The following RIMS2 variants were observed in gnomAD, a reference collection of about 807,000 sequenced individuals.
The protein encoded by RIMS2 is regulating synaptic membrane exocytosis 2.
In RIMS2, 59 loss-of-function variants were observed where a neutral mutation model predicts 174.4. The ratio of observed to expected loss-of-function variants is 0.34; its 90% CI spans 0.27 to 0.42. The LOEUF (loss-of-function observed/expected upper bound fraction) is 0.42, where lower values mean the gene tolerates loss of function less well. RIMS2 is among the 10% of genes least tolerant of loss of function. RIMS2 has a pLI of 1.00. For synonymous variants in RIMS2, 606 were observed against 572.5 expected, an observed-to-expected ratio of 1.06 and a Z score of -0.84; for missense variants, 1,620 against 1,666.3, an observed-to-expected ratio of 0.97 and a Z score of 0.48.
chr8:103,945,442 GC>G (rs1408935971), intron 14 of RIMS2, among the ~76,000 whole-genome samples: 1 of 151,968 alleles, frequency 6.6e-6, no homozygotes, highest in African/African-American at 2.4e-5. Flanking sequence ...ATTCTATAAG[GC>G]CAGTATTTTC....
At chr8:103,578,385 C>G (rs1213944554) in intron 1 of RIMS2, among the ~76,000 whole-genome samples, 1 of 151,930 alleles carries the variant, frequency 6.6e-6, no homozygotes, top group Admixed American at 6.6e-5. Flanking sequence ...CAAAAATTAG[C>G]TGAGAGGAAA....
chr8:103,633,766 G>T (rs566469050), intron 1 of RIMS2, among the ~76,000 whole-genome samples: 1 of 152,268 alleles, frequency 6.6e-6, no homozygotes, highest in Admixed American at 6.5e-5. Flanking sequence ...TTGGAAGGGT[G>T]TATGTGTCCA....
intron 3 of RIMS2, among the ~76,000 whole-genome samples, chr8:103,831,028 C>T (rs1469648885): frequency 1.3e-5 from 2 of 152,084 alleles, no homozygotes; most frequent in Non-Finnish European, 2.9e-5. Context: ...AGTCTGGTCT[C>T]GAACTCCTGA....
At chr8:104,115,320 G>A (rs28480468) in intron 19 of RIMS2, among the ~76,000 whole-genome samples, 7,887 of 151,992 alleles carry the variant, frequency 0.052, 290 homozygotes, top group Non-Finnish European at 0.073. Context: ...AATATTTATG[G>A]TTCTAGTATT....
chr8:104,046,650 A>G (rs751537196), intron 19 of RIMS2, among the ~76,000 whole-genome samples: 23 of 152,038 alleles, frequency 1.5e-4, no homozygotes, highest in Non-Finnish European at 2.9e-4. Flanking sequence ...ATTATATTTC[A>G]CATTCTATCC....
chr8:103,682,651 T>C (rs1420794015), intron 1 of RIMS2, among the ~76,000 whole-genome samples: 1 of 152,160 alleles, frequency 6.6e-6, no homozygotes, highest in Non-Finnish European at 1.5e-5. Flanking sequence ...AGTCTGCCCA[T>C]ATACCACCAC....
At chr8:104,168,051 T>C (rs529818965) in intron 19 of RIMS2, among the ~76,000 whole-genome samples, 22 of 152,178 alleles carry the variant, frequency 1.4e-4, no homozygotes, top group South Asian at 1.2e-3. Context: ...CAGTAACATG[T>C]TGTTTTGGTA....
At chr8:103,578,584 C>A (rs914349152) in intron 1 of RIMS2, among the ~76,000 whole-genome samples, 11 of 151,960 alleles carry the variant, frequency 7.2e-5, no homozygotes, top group Non-Finnish European at 8.8e-5. Context: ...AAAAACCCAA[C>A]AACATATAAA....
intron 19 of RIMS2, among the ~76,000 whole-genome samples, chr8:104,062,340 T>G (rs1448640913): frequency 2.0e-5 from 3 of 151,998 alleles, no homozygotes; most frequent in South Asian, 2.1e-4. Context: ...GGAGGCAGAG[T>G]TTGCGGTGAG....
chr8:104,154,890 A>G (rs977785362), intron 19 of RIMS2, among the ~76,000 whole-genome samples: 4 of 152,078 alleles, frequency 2.6e-5, no homozygotes, highest in South Asian at 2.1e-4. Flanking sequence ...GTGATCCTCA[A>G]TGAAAGGGCC....
chr8:104,057,939 G>A (rs891303920), intron 19 of RIMS2, among the ~76,000 whole-genome samples: 10 of 151,896 alleles, frequency 6.6e-5, no homozygotes, highest in Admixed American at 6.6e-4. Context: ...TGGTGTATAT[G>A]TGCCACATTT....
chr8:103,634,068 T>A (rs1024493287), intron 1 of RIMS2, among the ~76,000 whole-genome samples: 1 of 152,146 alleles, frequency 6.6e-6, no homozygotes, highest in African/African-American at 2.4e-5. Context: ...AGCTTTGGGG[T>A]TGATTTGTTC....
chr8:104,088,999 T>C (rs1341245803), intron 19 of RIMS2, among the ~76,000 whole-genome samples: 1 of 151,964 alleles, frequency 6.6e-6, no homozygotes, highest in Non-Finnish European at 1.5e-5. Context: ...TTCCTGTAAA[T>C]TTTTCTAGTT....
chr8:104,127,600 C>A (rs951296028), intron 19 of RIMS2, among the ~76,000 whole-genome samples: 1 of 152,170 alleles, frequency 6.6e-6, no homozygotes, highest in Non-Finnish European at 1.5e-5. Flanking sequence ...TACTTAGCCT[C>A]ACTGTGCCCA....
chr8:103,708,117 A>G (rs2097256465), intron 2 of RIMS2, among the ~76,000 whole-genome samples: 1 of 152,206 alleles, frequency 6.6e-6, no homozygotes, highest in Admixed American at 6.5e-5. Context: ...CTTGGAGTAA[A>G]CAGCCTTCGA....
At chr8:103,712,894 A>G (rs1451166646) in intron 2 of RIMS2, among the ~76,000 whole-genome samples, 2 of 152,346 alleles carry the variant, frequency 1.3e-5, no homozygotes, top group African/African-American at 4.8e-5. Context: ...ATGAAAAATA[A>G]AAGAATTTTT....
At chr8:103,982,284 C>T (rs1596338813) in intron 16 of RIMS2, among the ~76,000 whole-genome samples, 1 of 151,960 alleles carries the variant, frequency 6.6e-6, no homozygotes, top group Non-Finnish European at 1.5e-5. Flanking sequence ...AGCCTGAACC[C>T]AATGGCTTCA....
chr8:103,873,759 A>G (rs2099123210), intron 3 of RIMS2, among the ~76,000 whole-genome samples: 1 of 152,150 alleles, frequency 6.6e-6, no homozygotes, highest in African/African-American at 2.4e-5. Flanking sequence ...TAAAGAAACC[A>G]TATGACTACA....
At chr8:103,875,166 T>A (rs2099130068) in intron 3 of RIMS2, among the ~76,000 whole-genome samples, 1 of 152,002 alleles carries the variant, frequency 6.6e-6, no homozygotes, top group African/African-American at 2.4e-5. Flanking sequence ...TTTGGTGACA[T>A]GGATGAATTG....
Sources: gnomAD v4.1 joint callset for allele counts (sites outside exome capture counted in the v4.1 genomes callset) on GRCh38, gnomAD v4.1.1 for gene constraint, MANE v1.5 for transcripts, NCBI Gene and HGNC (gene_info 2026-07-23, HGNC 2026-07-21) for gene names.